PDE4B: variants seen among roughly 807,000 people sequenced by gnomAD.
The protein encoded by PDE4B is 3',5'-cyclic-AMP phosphodiesterase 4B.
Under a neutral mutation model 82.2 loss-of-function variants are expected in PDE4B, and 20 were observed. That is an observed-to-expected ratio of 0.24 (90% CI 0.17 to 0.35). The LOEUF is 0.35. PDE4B is among the 10% of genes least tolerant of loss of function. PDE4B has a pLI of 1.00. For synonymous variants in PDE4B, 320 were observed against 318.9 expected, an observed-to-expected ratio of 1.00 and a Z score of -0.04; for missense variants, 655 against 907.2, an observed-to-expected ratio of 0.72 and a Z score of 3.57.
At chr1:66,030,703 T>C (rs551856314) in intron 3 of PDE4B, among the ~76,000 whole-genome samples, 3 of 152,248 alleles carry the variant, frequency 2.0e-5, no homozygotes, top group African/African-American at 7.2e-5. Flanking sequence ...AGACATGGAA[T>C]CAACCTAGGA....
chr1:65,823,286 C>T (rs1239267266), intron 1 of PDE4B, among the ~76,000 whole-genome samples: 2 of 151,030 alleles, frequency 1.3e-5, no homozygotes, highest in Non-Finnish European at 1.5e-5. Context: ...ATCCCAGCTA[C>T]TCAGGAGGCT....
intron 3 of PDE4B, among the ~76,000 whole-genome samples, chr1:65,951,451 T>G (rs1192048645): frequency 6.6e-6 from 1 of 152,090 alleles, no homozygotes; most frequent in Non-Finnish European, 1.5e-5. Context: ...GCATTCTTTT[T>G]GTTTGTTTTT....
intron 3 of PDE4B, among the ~76,000 whole-genome samples, chr1:66,213,096 A>G (rs1650192561): frequency 6.6e-6 from 1 of 151,464 alleles, no homozygotes; most frequent in Admixed American, 6.6e-5. Flanking sequence ...GTCTCCAGAG[A>G]CTCTATGATT....
At chr1:66,208,351 A>C (rs978683717) in intron 3 of PDE4B, among the ~76,000 whole-genome samples, 1 of 152,194 alleles carries the variant, frequency 6.6e-6, no homozygotes. Flanking sequence ...ATGGGAATGA[A>C]GAGATTAATG....
chr1:66,305,314 T>C (rs928353283), intron 7 of PDE4B, among the ~76,000 whole-genome samples: 22 of 152,042 alleles, frequency 1.4e-4, no homozygotes, highest in African/African-American at 5.3e-4. Context: ...GAAAATCCTA[T>C]TGAATATAGA....
chr1:66,284,321 A>G (rs1200104428), intron 7 of PDE4B, among the ~76,000 whole-genome samples: 1 of 152,216 alleles, frequency 6.6e-6, no homozygotes, highest in African/African-American at 2.4e-5. Flanking sequence ...AGCTCAAGTT[A>G]GCATATTCTT....
At chr1:66,018,348 A>C (rs1224002747) in intron 3 of PDE4B, among the ~76,000 whole-genome samples, 5 of 152,128 alleles carry the variant, frequency 3.3e-5, no homozygotes, top group African/African-American at 9.7e-5. Flanking sequence ...TGAACCCAGG[A>C]GGCGGAGCTT....
chr1:65,876,555 G>A (rs1418939796), intron 1 of PDE4B, among the ~76,000 whole-genome samples: 1 of 152,082 alleles, frequency 6.6e-6, no homozygotes, highest in Non-Finnish European at 1.5e-5. Flanking sequence ...AGGTGTCAGT[G>A]AGTGTTTAAA....
At chr1:66,319,149 T>A (rs552194644) in intron 7 of PDE4B, among the ~76,000 whole-genome samples, 3 of 152,206 alleles carry the variant, frequency 2.0e-5, no homozygotes, top group Admixed American at 6.5e-5. Context: ...TCGTGTGTGA[T>A]CTGAGACATC....
chr1:66,212,254 C>G (rs1455790008), intron 3 of PDE4B, among the ~76,000 whole-genome samples: 1 of 152,186 alleles, frequency 6.6e-6, no homozygotes, highest in Non-Finnish European at 1.5e-5. Context: ...CATCCTCTTT[C>G]TCTCATAACC....
chr1:66,046,052 A>G (rs983463125), intron 3 of PDE4B, among the ~76,000 whole-genome samples: 2 of 151,702 alleles, frequency 1.3e-5, no homozygotes, highest in Non-Finnish European at 3.0e-5. Flanking sequence ...TGCAGAAGAG[A>G]TATTTGAAAG....
At position 65,801,649 on chromosome 1, in the gene PDE4B, A is replaced by T. The variant is rs1645695433; in HGVS notation, c.-71+8401A>T. On this transcript the variant is annotated intron_variant, in intron 1 of 16. Coordinates refer to ENST00000341517, the MANE Select transcript of PDE4B (RefSeq NM_002600.4). The stretch of plus-strand genomic sequence containing the variant: ...TTGCTTAGAGAATAGTTCAAATTTT[A>T]TTCAATGGGTAAAATTTATATTAAG... Among the ~76,000 whole-genome samples, 5 of 152,220 alleles carry T rather than the reference A, an allele frequency of 3.3e-5. No homozygotes were observed. In the South Asian group the frequency reaches 1.0e-3, roughly 32 times the overall value.
chr1:66,098,359 C>T (rs1285013361), intron 3 of PDE4B, among the ~76,000 whole-genome samples: 1 of 152,166 alleles, frequency 6.6e-6, no homozygotes, highest in Non-Finnish European at 1.5e-5. Context: ...TGCAGCCTAG[C>T]AACTGCTTTC....
chr1:66,021,219 C>T (rs1313226790), intron 3 of PDE4B, among the ~76,000 whole-genome samples: 1 of 152,180 alleles, frequency 6.6e-6, no homozygotes, highest in Non-Finnish European at 1.5e-5. Flanking sequence ...GATATTAGCC[C>T]TTTGTCAGAT....
chr1:65,964,374 T>C (rs116712691), intron 3 of PDE4B, among the ~76,000 whole-genome samples: 1,781 of 152,320 alleles, frequency 0.012, 35 homozygotes, highest in African/African-American at 0.041. Context: ...ACACTTGTAA[T>C]TGAAGACTCT....
At chr1:66,136,656 C>T (rs1646061491) in intron 3 of PDE4B, among the ~76,000 whole-genome samples, 1 of 116,898 alleles carries the variant, frequency 8.6e-6, no homozygotes, top group South Asian at 2.9e-4. Context: ...CAAGATTGCA[C>T]AACTGCAATC....
chr1:66,114,835 C>T (rs1208215013), intron 3 of PDE4B, among the ~76,000 whole-genome samples: 1 of 151,974 alleles, frequency 6.6e-6, no homozygotes, highest in African/African-American at 2.4e-5. Context: ...AAGAGATCAC[C>T]ATAGTGGCCA....
intron 3 of PDE4B, among the ~76,000 whole-genome samples, chr1:65,962,318 C>T (rs2100600111): frequency 6.6e-6 from 1 of 152,284 alleles, no homozygotes. Context: ...GGACCATCTG[C>T]AGACATGCTC....
At chr1:66,292,206 G>C (rs781381767) in intron 7 of PDE4B, among the ~76,000 whole-genome samples, 4 of 152,030 alleles carry the variant, frequency 2.6e-5, no homozygotes, top group Non-Finnish European at 5.9e-5. Context: ...CCTTTAACAG[G>C]CTTGACTATC....
Sources: gnomAD v4.1 joint callset for allele counts (sites outside exome capture counted in the v4.1 genomes callset) on GRCh38, gnomAD v4.1.1 for gene constraint, MANE v1.5 for transcripts, NCBI Gene and HGNC (gene_info 2026-07-23, HGNC 2026-07-21) for gene names.